MEOX2: variants seen among roughly 807,000 people sequenced by gnomAD.
MEOX2 encodes mesenchyme homeobox 2.
MEOX2 carries 11 observed loss-of-function variants against 27.0 expected under a neutral mutation model. The ratio of observed to expected loss-of-function variants is 0.41; its 90% CI spans 0.26 to 0.68. MEOX2 has a LOEUF of 0.68. MEOX2 is among the 30% of genes least tolerant of loss of function. MEOX2 has a pLI of 0.33. For missense variants in MEOX2, 436 were observed against 385.4 expected (o/e 1.13, Z -1.10); for synonymous variants, 189 against 155.4 (o/e 1.22, Z -1.61).
chr7:15,637,742 G>A (rs906442709), intron 1 of MEOX2, among the ~76,000 whole-genome samples: 13 of 151,170 alleles, frequency 8.6e-5, no homozygotes, highest in Non-Finnish European at 1.5e-4. Context: ...GAACATATCG[G>A]GGCTTTGAAG....
In MEOX2 at chr7:15,686,073, G is replaced by A. The variant is rs199655872; in HGVS notation, c.330C>T (p.Leu110=). 20 of 1,595,482 alleles carry A rather than the reference G, an allele frequency of 1.3e-5. No individual in the cohort carries two copies. The East Asian group carries it at 4.6e-4, about 37-fold the overall frequency. The change falls in exon 1 of 3, where the codon CTC becomes CTT. Residue 110 remains leucine (L), a synonymous_variant. Coordinates refer to ENST00000262041, the MANE Select transcript of MEOX2 (RefSeq NM_005924.5). Reference sequence around the variant, plus strand: ...CTGGGGGCCCTCCAGAGTCGGGCTGGAGGCAGAGGCTGTGCCGAGCCGCAC... The same window carrying A: ...CTGGGGGCCCTCCAGAGTCGGGCTGAAGGCAGAGGCTGTGCCGAGCCGCAC... ...PPSAARHSLC[L]QPDSGGPPEL...
chr7:15,671,876 G>T (rs1347270931), intron 1 of MEOX2, among the ~76,000 whole-genome samples: 3 of 151,978 alleles, frequency 2.0e-5, no homozygotes, highest in Non-Finnish European at 1.5e-5. Flanking sequence ...GGCCAATATG[G>T]TCTCTAATAA....
chr7:15,636,705 G>T (rs1781484043), intron 1 of MEOX2, among the ~76,000 whole-genome samples: 1 of 151,966 alleles, frequency 6.6e-6, no homozygotes, highest in Non-Finnish European at 1.5e-5. Context: ...AGTCCATTTT[G>T]TGCTGCTATA....
At chr7:15,650,126 G>A (rs1488030842) in intron 1 of MEOX2, among the ~76,000 whole-genome samples, 1 of 152,026 alleles carries the variant, frequency 6.6e-6, no homozygotes, top group African/African-American at 2.4e-5. Context: ...ATTCCACTTG[G>A]ATGTTTGGCC....
chr7:15,672,344 G>C (rs921451325), intron 1 of MEOX2, among the ~76,000 whole-genome samples: 1 of 152,018 alleles, frequency 6.6e-6, no homozygotes, highest in African/African-American at 2.4e-5. Flanking sequence ...ACAATGTATA[G>C]CATAACTGCA....
At chr7:15,636,228 A>G (rs1340136937) in intron 1 of MEOX2, among the ~76,000 whole-genome samples, 2 of 152,014 alleles carry the variant, frequency 1.3e-5, no homozygotes, top group East Asian at 3.9e-4. Context: ...AATTTTCTCT[A>G]ATTATGAGTT....
chr7:15,619,225 C>T (rs1781176265), intron 2 of MEOX2, among the ~76,000 whole-genome samples: 1 of 151,916 alleles, frequency 6.6e-6, no homozygotes, highest in Non-Finnish European at 1.5e-5. Flanking sequence ...AGAAGCATCT[C>T]AGTTTTAGAA....
intron 1 of MEOX2, among the ~76,000 whole-genome samples, chr7:15,663,866 T>C (rs1290245485): frequency 6.6e-6 from 1 of 152,152 alleles, no homozygotes; most frequent in African/African-American, 2.4e-5. Context: ...CAAAATAACT[T>C]GTTATTTGAT....
chr7:15,642,222 T>C (rs1781573420), intron 1 of MEOX2, among the ~76,000 whole-genome samples: 1 of 152,220 alleles, frequency 6.6e-6, no homozygotes, highest in African/African-American at 2.4e-5. Flanking sequence ...TTAGTTACTT[T>C]TTTGTCTTCT....
chr7:15,674,581 T>TGC (rs1782162556), intron 1 of MEOX2, among the ~76,000 whole-genome samples: 1 of 151,928 alleles, frequency 6.6e-6, no homozygotes, highest in Non-Finnish European at 1.5e-5. Context: ...TGTGTGTGTG[T>TGC]GTGCATGTTT....
intron 2 of MEOX2, among the ~76,000 whole-genome samples, chr7:15,621,040 C>T (rs139485652): frequency 6.6e-6 from 1 of 152,136 alleles, no homozygotes; most frequent in African/African-American, 2.4e-5. Flanking sequence ...TGGGAGTTTT[C>T]TCCAAGTTTA....
chr7:15,667,289 C>CAAAAAAAAAAAAAAAAAAAAA (rs532691969), intron 1 of MEOX2, among the ~76,000 whole-genome samples: 10 of 40,976 alleles, frequency 2.4e-4, no homozygotes, highest in Non-Finnish European at 3.7e-4. Context: ...GACTCTGTCT[C>CAAAAAAAAAAAAAAAAAAAAA]AAAAAAAAAA....
intron 1 of MEOX2, among the ~76,000 whole-genome samples, chr7:15,631,744 T>C (rs1008817110): frequency 1.3e-5 from 2 of 151,818 alleles, no homozygotes; most frequent in African/African-American, 4.8e-5. Context: ...AAAGCAATGA[T>C]ATAAATGGGA....
intron 1 of MEOX2, among the ~76,000 whole-genome samples, chr7:15,634,532 T>G (rs1053337863): frequency 3.3e-5 from 5 of 151,998 alleles, no homozygotes; most frequent in Admixed American, 1.3e-4. Context: ...CAACCAGATA[T>G]CTGTAGTTTA....
In MEOX2 at chr7:15,686,193, G is replaced by A; in HGVS notation, c.210C>T (p.His70=). The A allele has an allele frequency of 1.3e-6, 2 of 1,597,366 alleles. No individual in the cohort carries two copies. Among genetic ancestry groups the A allele is most frequent in the Non-Finnish European group, 1.7e-6 (2 of 1,169,208 alleles). Residue 70 remains histidine (H), a synonymous_variant, in exon 1 of 3, where the codon CAC becomes CAT. Transcript: ENST00000262041. ...GGTGATGGTGGTGGTGGTGGTGGTGGTGGTGGTGCCCCCTGTGATGCTGGC... is the reference window on the plus strand; with the variant it reads ...GGTGATGGTGGTGGTGGTGGTGGTGATGGTGGTGCCCCCTGTGATGCTGGC... ...FASQHHRGHH[H]HHHHHHHHHH... is the part of the protein sequence containing the mutation.
At chr7:15,655,521 C>T (rs1187854472) in intron 1 of MEOX2, among the ~76,000 whole-genome samples, 1 of 151,478 alleles carries the variant, frequency 6.6e-6, no homozygotes, top group Non-Finnish European at 1.5e-5. Context: ...TATAAATTTC[C>T]ATCTTGGGGC....
At chr7:15,627,009 C>T (rs1446224558) in intron 1 of MEOX2, 91 bp from the exon 2 acceptor site, 1 of 1,288,614 alleles carries the variant, frequency 7.8e-7, no homozygotes, top group African/African-American at 1.5e-5. Context: ...ACTACTTTTC[C>T]AGGTACTGCG....
At chr7:15,651,936 A>G (rs1300418773) in intron 1 of MEOX2, among the ~76,000 whole-genome samples, 1 of 152,036 alleles carries the variant, frequency 6.6e-6, no homozygotes, top group Non-Finnish European at 1.5e-5. Context: ...CCAACATAAG[A>G]CAACTGAATG....
chr7:15,682,301 T>C (rs35565542), intron 1 of MEOX2, among the ~76,000 whole-genome samples: 13,535 of 151,784 alleles, frequency 0.089, 1,396 homozygotes, highest in African/African-American at 0.25. Flanking sequence ...ATGATTGAAA[T>C]ATCTTGGAAA....
Sources: gnomAD v4.1 joint callset for allele counts (sites outside exome capture counted in the v4.1 genomes callset) on GRCh38, gnomAD v4.1.1 for gene constraint, MANE v1.5 for transcripts, NCBI Gene and HGNC (gene_info 2026-07-23, HGNC 2026-07-21) for gene names.